The following NBEAL1 variants were observed in gnomAD, a reference collection of about 807,000 sequenced individuals.
NBEAL1 encodes neurobeachin like 1.
NBEAL1 carries 273 observed loss-of-function variants against 351.3 expected under a neutral mutation model. The observed-to-expected ratio is 0.78, with a 90% CI of 0.70 to 0.86. NBEAL1 has a LOEUF of 0.86. Ranked by LOEUF, NBEAL1 falls within the 40% of genes least tolerant of loss-of-function variation. NBEAL1 has a pLI of 0.00. For synonymous variants in NBEAL1, 1,050 were observed against 1,086.4 expected (o/e 0.97, Z 0.66); for missense variants, 2,961 against 3,201.3 (o/e 0.92, Z 1.81).
chr2:203,190,447 A>C (rs909140551), intron 46 of NBEAL1, 58 bp downstream of exon 46: 5 of 1,181,114 alleles, frequency 4.2e-6, no homozygotes, highest in East Asian at 4.7e-5. Flanking sequence ...ATTTAAGTAC[A>C]TAACAAAATA....
chr2:203,096,923 C>T (rs2062197287), intron 10 of NBEAL1, among the ~76,000 whole-genome samples: 1 of 152,178 alleles, frequency 6.6e-6, no homozygotes, highest in South Asian at 2.1e-4. Context: ...AGCTTTCCTT[C>T]TTTTTTGTGT....
intron 2 of NBEAL1, among the ~76,000 whole-genome samples, chr2:203,026,762 C>G (rs1358816318): frequency 6.6e-6 from 1 of 152,158 alleles, no homozygotes; most frequent in Non-Finnish European, 1.5e-5. Flanking sequence ...ATCTGCCTGC[C>G]TCGGCCTCCC....
chr2:203,185,684 C>G (rs775522874), intron 44 of NBEAL1, among the ~76,000 whole-genome samples: 5 of 152,126 alleles, frequency 3.3e-5, no homozygotes, highest in Non-Finnish European at 7.4e-5. Context: ...AAAGCTGCAT[C>G]GAAACGGTAG....
chr2:203,099,289 A>G (rs2062254621), intron 11 of NBEAL1, among the ~76,000 whole-genome samples: 1 of 152,082 alleles, frequency 6.6e-6, no homozygotes, highest in African/African-American at 2.4e-5. Context: ...AAAAAAAAAA[A>G]AAAAGTAATA....
At chr2:203,180,561 G>T in intron 43 of NBEAL1, 49 bp downstream of exon 43, 1 of 1,526,020 alleles carries the variant, frequency 6.6e-7, no homozygotes, top group Non-Finnish European at 8.8e-7. Context: ...CAATGGAGGA[G>T]CCTCAAAAAT....
intron 27 of NBEAL1, among the ~76,000 whole-genome samples, chr2:203,134,139 TACAA>T (rs757406890): frequency 9.1e-4 from 138 of 152,320 alleles, no homozygotes; most frequent in Non-Finnish European, 1.7e-3. Context: ...TTTACATTTA[TACAA>T]ACAGTGTGTG....
intron 24 of NBEAL1, 98 bp from the exon 25 acceptor site, chr2:203,130,220 A>G (rs1349165138): frequency 3.5e-6 from 4 of 1,146,842 alleles, no homozygotes; most frequent in Non-Finnish European, 4.8e-6. Flanking sequence ...ATAAAACATT[A>G]TATAGGATTT....
At chr2:203,015,131 G>C (rs1303071100) in intron 1 of NBEAL1, 149 bp downstream of exon 1, 1 of 152,610 alleles carries the variant, frequency 6.6e-6, no homozygotes, top group Non-Finnish European at 1.5e-5. Flanking sequence ...CGATACTGTA[G>C]TGCAGGCTGG....
In NBEAL1 at chr2:203,062,572, A is replaced by G. The variant is rs1574915773; in HGVS notation, c.515+5119A>G. 4.7e-6 allele frequency: 1 copy of G among 211,066 alleles called. No homozygotes were observed. The highest frequency in any genetic ancestry group is 1.4e-4 in the East Asian group (1 of 7,028). The allele number at this position is 211,066 out of a possible 1,614,324, so 13.1% of individuals were successfully genotyped here. A position where few individuals can be genotyped will look rare whatever the true frequency, so the allele number is the denominator to read the frequency against. ...ACCCAAAAAGAAGAAAATTTTATAT[A>G]CTATTAATATAATATAGGAAGATAA... On this transcript the variant is annotated intron_variant, in intron 6 of 55. Coordinates refer to ENST00000683969, the MANE Select transcript of NBEAL1 (RefSeq NM_001378026.1). The surrounding 1 kb of genome is among the most constrained non-coding windows in gnomAD (Gnocchi z 4.2).
intron 18 of NBEAL1, among the ~76,000 whole-genome samples, chr2:203,116,351 G>A (rs905044609): frequency 6.6e-6 from 1 of 152,088 alleles, no homozygotes; most frequent in Non-Finnish European, 1.5e-5. Context: ...AAGTGAAATT[G>A]TTTGTGTTTG....
intron 27 of NBEAL1, among the ~76,000 whole-genome samples, chr2:203,135,454 T>C (rs2063178179): frequency 6.6e-6 from 1 of 152,182 alleles, no homozygotes; most frequent in African/African-American, 2.4e-5. Context: ...GATATTTTAG[T>C]GTACTCTTAC....
At chr2:203,159,365 G>A (rs918928015) in intron 36 of NBEAL1, among the ~76,000 whole-genome samples, 2 of 151,370 alleles carry the variant, frequency 1.3e-5, no homozygotes, top group Non-Finnish European at 1.5e-5. Context: ...TTGAGTGGTC[G>A]GTCCCAGTTT....
intron 5 of NBEAL1, 40 bp downstream of exon 5, chr2:203,056,548 C>T: frequency 9.4e-7 from 1 of 1,066,016 alleles, no homozygotes; most frequent in Non-Finnish European, 1.4e-6. Context: ...TTACTGAGAA[C>T]AACTAGGTTT....
chr2:203,205,764 A>G (rs12477069), intron 51 of NBEAL1, among the ~76,000 whole-genome samples: 134,209 of 152,168 alleles, frequency 0.88, 60,349 homozygotes, highest in Non-Finnish European at 0.96. Context: ...TACCAAATAA[A>G]TTTAGGAAGG....
chr2:203,144,843 T>C lies in NBEAL1; in HGVS notation c.5092T>C (p.Phe1698Leu). ...ACCTTTTACCAATGGTAGCTCCTCATTTTTTGAAGATTTTCAAGAATATTG... is the reference window on the plus strand; with the variant it reads ...ACCTTTTACCAATGGTAGCTCCTCACTTTTTGAAGATTTTCAAGAATATTG... ...SLPFTNGSSS[F>L]FEDFQEYCNS... is the part of the protein sequence containing the mutation. Residue 1698 changes from phenylalanine to leucine, a missense_variant, in exon 32 of 56, where the codon TTT becomes CTT. By Grantham distance (22) the Phe-to-Leu change is conservative. Coordinates refer to ENST00000683969, the MANE Select transcript of NBEAL1 (RefSeq NM_001378026.1). 1 of 1,611,090 alleles carries C rather than the reference T, an allele frequency of 6.2e-7. No individual in the cohort carries two copies. Among genetic ancestry groups the C allele is most frequent in the African/African-American group, 1.3e-5 (1 of 74,826 alleles).
At position 203,035,318 on chromosome 2, in the gene NBEAL1, A is replaced by G. The variant is rs190876707; in HGVS notation, c.52-6447A>G. 1.2e-4 allele frequency among the ~76,000 whole-genome samples: 18 copies of G among 149,372 alleles called. No homozygotes were observed. The East Asian group carries it at 3.3e-3, about 27-fold the overall frequency. On this transcript the variant is annotated intron_variant, in intron 2 of 55. Transcript: ENST00000683969. ...AAAGTATTTGGGCAGGACAGAGGAG[A>G]TGACTGGATTTAAATTTAACACATC...
chr2:203,164,766 A>G (rs1230930849), intron 36 of NBEAL1, among the ~76,000 whole-genome samples: 1 of 152,148 alleles, frequency 6.6e-6, no homozygotes, highest in Non-Finnish European at 1.5e-5. Context: ...TACCCTGGAC[A>G]TGAGGCAGAT....
intron 44 of NBEAL1, among the ~76,000 whole-genome samples, chr2:203,184,540 G>A (rs1390617078): frequency 6.6e-6 from 1 of 152,086 alleles, no homozygotes; most frequent in African/African-American, 2.4e-5. Context: ...CTATCTTGCA[G>A]ATGATATTGA....
At position 203,175,192 on chromosome 2, in the gene NBEAL1, C is replaced by G; in HGVS notation, c.6369C>G (p.His2123Gln). ...EDPMGTIDKFHYGTHYSNSAG... is the reference protein window; with the variant it reads ...EDPMGTIDKFQYGTHYSNSAG... ...CTATGGGAACTATTGATAAGTTTCA[C>G]TATGGTACTCACTATTCAAATTCTG... is the stretch of plus-strand genomic sequence containing the variant. Residue 2123 changes from histidine to glutamine, a missense_variant, in exon 42 of 56, where the codon CAC becomes CAG. Physicochemically the swap from His to Gln is conservative, Grantham distance 24. Transcript: ENST00000683969. 1.2e-6 allele frequency: 2 copies of G among 1,613,176 alleles called. No individual in the cohort carries two copies. Among genetic ancestry groups the G allele is most frequent in the African/African-American group, 1.3e-5 (1 of 75,002 alleles).
Sources: gnomAD v4.1 joint callset for allele counts (sites outside exome capture counted in the v4.1 genomes callset) on GRCh38, gnomAD v4.1.1 for gene constraint, Gnocchi (gnomAD v3.1) non-coding constraint, MANE v1.5 for transcripts, NCBI Gene and HGNC (gene_info 2026-07-23, HGNC 2026-07-21) for gene names.